Variants in MUCL1 observed in about 807,000 individuals in gnomAD.
MUCL1 encodes the protein mucin-like protein 1.
Under a neutral mutation model 9.2 loss-of-function variants are expected in MUCL1, and 11 were observed. That is an observed-to-expected ratio of 1.19 (90% CI 0.75 to 1.97). The LOEUF is 1.97. Among genes scored for constraint, MUCL1 ranks in the 30% most tolerant of loss-of-function variants. The pLI is 0.00. For missense variants in MUCL1, 144 were observed against 110.9 expected, an observed-to-expected ratio of 1.30 and a Z score of -1.34; for synonymous variants, 48 against 40.5, an observed-to-expected ratio of 1.19 and a Z score of -0.71.
chr12:54,840,196 C>T (rs1042445006), intron 1 of MUCL1, among the ~76,000 whole-genome samples: 2 of 152,156 alleles, frequency 1.3e-5, no homozygotes, highest in Admixed American at 6.5e-5. Context: ...AAGCAGGTAC[C>T]AGGACCAGTT....
At chr12:54,833,530 T>G (rs1463479614) in intron 1 of MUCL1, among the ~76,000 whole-genome samples, 2 of 152,098 alleles carry the variant, frequency 1.3e-5, no homozygotes, top group African/African-American at 4.8e-5. Context: ...ATAAATTTAT[T>G]GGTCATAAAG....
At chr12:54,835,663 G>A (rs529167438), upstream of MUCL1, among the ~76,000 whole-genome samples, 1 of 148,618 alleles carries the variant, frequency 6.7e-6, no homozygotes, top group South Asian at 2.1e-4. Flanking sequence ...CCAGGTCTTC[G>A]TGGGAATGCT....
At chr12:54,854,181 G>T (rs1026757961), upstream of MUCL1, among the ~76,000 whole-genome samples, 1 of 152,204 alleles carries the variant, frequency 6.6e-6, no homozygotes, top group East Asian at 1.9e-4. Context: ...TCTATGAAAA[G>T]AGCACTGCAG....
At chr12:54,841,483 C>T (rs1436450780) in intron 1 of MUCL1, among the ~76,000 whole-genome samples, 1 of 152,170 alleles carries the variant, frequency 6.6e-6, no homozygotes, top group Non-Finnish European at 1.5e-5. Context: ...GTTCCTTTTC[C>T]TCCACATCCT....
chr12:54,856,545 C>T (rs1868300902), intron 2 of MUCL1, among the ~76,000 whole-genome samples: 1 of 152,170 alleles, frequency 6.6e-6, no homozygotes, highest in Non-Finnish European at 1.5e-5. Context: ...TAATCAGTGT[C>T]ATTGCCCTTG....
upstream of MUCL1, among the ~76,000 whole-genome samples, chr12:54,851,822 A>T (rs1868248109): frequency 1.3e-5 from 2 of 152,162 alleles, no homozygotes; most frequent in South Asian, 4.1e-4. Flanking sequence ...CTCAGGATAC[A>T]AAAATCAATG....
At chr12:54,857,296 T>C (rs1459987507) in intron 3 of MUCL1, among the ~76,000 whole-genome samples, 1 of 150,682 alleles carries the variant, frequency 6.6e-6, no homozygotes, top group Non-Finnish European at 1.5e-5. Flanking sequence ...AAAAATCAGG[T>C]AATCAAGTAA....
At chr12:54,844,281 A>G (rs1027562080) in intron 1 of MUCL1, among the ~76,000 whole-genome samples, 5 of 152,212 alleles carry the variant, frequency 3.3e-5, no homozygotes, top group Admixed American at 1.3e-4. Context: ...TATGAATTTA[A>G]TTTATTTAAT....
At chr12:54,844,866 A>G (rs1441851527) in intron 1 of MUCL1, among the ~76,000 whole-genome samples, 1 of 152,178 alleles carries the variant, frequency 6.6e-6, no homozygotes, top group African/African-American at 2.4e-5. Flanking sequence ...TTATTTCTGC[A>G]GAAAAAAACC....
chr12:54,848,920 G>A (rs1959295826), intron 1 of MUCL1, among the ~76,000 whole-genome samples: 1 of 152,098 alleles, frequency 6.6e-6, no homozygotes, highest in Non-Finnish European at 1.5e-5. Flanking sequence ...TTATCAAATA[G>A]AGACTTTGTA....
chr12:54,853,139 T>C (rs978813651), upstream of MUCL1, among the ~76,000 whole-genome samples: 3 of 152,160 alleles, frequency 2.0e-5, no homozygotes, highest in African/African-American at 7.2e-5. Flanking sequence ...TGTTCAGTGC[T>C]CTTCCAGATT....
upstream of MUCL1, among the ~76,000 whole-genome samples, chr12:54,839,135 A>G (rs180757263): frequency 4.0e-5 from 6 of 151,604 alleles, no homozygotes; most frequent in East Asian, 7.7e-4. Context: ...TGACCTTATC[A>G]TTATAGTTTA....
chr12:54,837,004 G>T (rs1459999511), upstream of MUCL1, among the ~76,000 whole-genome samples: 1 of 152,038 alleles, frequency 6.6e-6, no homozygotes, highest in Non-Finnish European at 1.5e-5. Flanking sequence ...CTTATTATAT[G>T]GTCTATCTTG....
chr12:54,834,312 T>C (rs1027210030), intron 1 of MUCL1, among the ~76,000 whole-genome samples: 19 of 152,152 alleles, frequency 1.2e-4, no homozygotes, highest in African/African-American at 4.3e-4. Context: ...TGAATTTACC[T>C]ATCAGCATTT....
At chr12:54,854,807 C>G (rs1050802214) in intron 1 of MUCL1, among the ~76,000 whole-genome samples, 167 bp downstream of exon 1, 9 of 152,186 alleles carry the variant, frequency 5.9e-5, no homozygotes, top group African/African-American at 2.2e-4. Context: ...TATCCTTAGG[C>G]TCTTCTTAAT....
chr12:54,850,773 A>C (rs887919017), upstream of MUCL1, among the ~76,000 whole-genome samples: 63 of 152,220 alleles, frequency 4.1e-4, no homozygotes, highest in Non-Finnish European at 3.4e-4. Context: ...TACAGTCCCA[A>C]CAACAGTGTA....
upstream of MUCL1, among the ~76,000 whole-genome samples, chr12:54,853,455 T>C (rs1868270918): frequency 6.6e-6 from 1 of 152,236 alleles, no homozygotes; most frequent in African/African-American, 2.4e-5. Flanking sequence ...GAAGTCTGGA[T>C]GACCATATTC....
upstream of MUCL1, among the ~76,000 whole-genome samples, chr12:54,853,528 T>G (rs141221736): frequency 6.6e-6 from 1 of 152,186 alleles, no homozygotes; most frequent in Admixed American, 6.5e-5. Flanking sequence ...ATTATCCAAA[T>G]ATACCACGTT....
At chr12:54,852,213 A>G (rs1868255718), upstream of MUCL1, among the ~76,000 whole-genome samples, 1 of 152,230 alleles carries the variant, frequency 6.6e-6, no homozygotes, top group Non-Finnish European at 1.5e-5. Flanking sequence ...ATCCTAAGCC[A>G]AAAGAACAAA....
Sources: gnomAD v4.1 joint callset for allele counts (sites outside exome capture counted in the v4.1 genomes callset) on GRCh38, gnomAD v4.1.1 for gene constraint, MANE v1.5 for transcripts, NCBI Gene and HGNC (gene_info 2026-07-23, HGNC 2026-07-21) for gene names.